The following CDON variants were observed in gnomAD, a reference collection of about 807,000 sequenced individuals.
CDON encodes the protein cell adhesion associated, oncogene regulated, also known as cell adhesion molecule-related/down-regulated by oncogenes.
Under a neutral mutation model 120.9 loss-of-function variants are expected in CDON, and 73 were observed. The ratio of observed to expected loss-of-function variants is 0.60; its 90% CI spans 0.50 to 0.73. The LOEUF (loss-of-function observed/expected upper bound fraction) is 0.73. Among genes scored for constraint, CDON ranks in the 30% least tolerant of loss-of-function variants. CDON has a pLI of 0.00. For missense variants in CDON, 1,470 were observed against 1,587.3 expected (o/e 0.93, Z 1.26); for synonymous variants, 566 against 573.5 (o/e 0.99, Z 0.19).
intron 1 of CDON, among the ~76,000 whole-genome samples, chr11:126,024,550 T>C (rs1222713786): frequency 1.3e-5 from 2 of 152,142 alleles, no homozygotes; most frequent in Non-Finnish European, 2.9e-5. Context: ...CCCTGTTTAC[T>C]GAAATGGGGA....
At chr11:126,027,195 G>A (rs2134730481) in intron 1 of CDON, among the ~76,000 whole-genome samples, 1 of 152,284 alleles carries the variant, frequency 6.6e-6, no homozygotes, top group Non-Finnish European at 1.5e-5. Context: ...TGCTCAGTTT[G>A]TTAAAGAGCT....
chr11:125,956,950 C>A lies in CDON; in HGVS notation c.*3992G>T, dbSNP rs979328649. On this transcript the variant is annotated 3_prime_UTR_variant, in exon 20 of 20. Coordinates refer to ENST00000531738, the MANE Select transcript of CDON (RefSeq NM_001378964.1). ...AAATAAAATACAAAAGGGCCACACC[C>A]GATGCAAAAGACTTTGCTGGCTTTC... 28 of 765,476 alleles carry A rather than the reference C, an allele frequency of 3.7e-5. No homozygotes were observed. The highest frequency in any genetic ancestry group is 5.9e-5 in the South Asian group (1 of 16,886). 47.4% of individuals were successfully genotyped at this position (765,476 alleles called of 1,614,324 possible). A position where few individuals can be genotyped will look rare whatever the true frequency, so the allele number is the denominator to read the frequency against.
At chr11:125,964,189 T>A (rs977793334) in intron 18 of CDON, among the ~76,000 whole-genome samples, 4 of 152,204 alleles carry the variant, frequency 2.6e-5, no homozygotes, top group African/African-American at 9.6e-5. Flanking sequence ...GGGTGAAATG[T>A]GGGGCAAGGT....
At chr11:125,986,373 A>G (rs549222059) in intron 15 of CDON, among the ~76,000 whole-genome samples, 4 of 152,348 alleles carry the variant, frequency 2.6e-5, no homozygotes, top group Admixed American at 6.5e-5. Context: ...CGGCACATGT[A>G]TATGTATGTA....
chr11:126,044,591 A>G (rs546327253), intron 1 of CDON, among the ~76,000 whole-genome samples: 3 of 152,222 alleles, frequency 2.0e-5, no homozygotes, highest in Admixed American at 1.3e-4. Context: ...TTGCAAAAAC[A>G]TGGATGGCAT....
chr11:126,037,334 A>G (rs1948128144), intron 1 of CDON, among the ~76,000 whole-genome samples: 1 of 152,016 alleles, frequency 6.6e-6, no homozygotes, highest in Admixed American at 6.6e-5. Context: ...TTCTGATCTC[A>G]AGGGCTCTGC....
Position 125,981,360 on chromosome 11 carries a change from G to A in CDON, c.2996-31C>T, listed in dbSNP as rs1555117249. ...AAAAGAGAACAAAAAAGACACACAC[G>A]CACACACACACACGCACGCACACAT... On this transcript the variant is annotated intron_variant, in intron 16 of 19. Coordinates refer to ENST00000531738, the MANE Select transcript of CDON (RefSeq NM_001378964.1). The A allele has an allele frequency of 5.3e-5, 71 of 1,351,440 alleles. No individual in the cohort carries two copies. Among genetic ancestry groups the A allele is most frequent in the Middle Eastern group, 1.7e-4 (1 of 5,908 alleles). The allele number at this position is 1,351,440 out of a possible 1,614,324, so 83.7% of individuals were successfully genotyped here. A position where few individuals can be genotyped will look rare whatever the true frequency, so the allele number is the denominator to read the frequency against.
chr11:126,053,676 T>C (rs1948621177), intron 1 of CDON, among the ~76,000 whole-genome samples: 1 of 152,006 alleles, frequency 6.6e-6, no homozygotes, highest in East Asian at 1.9e-4. Flanking sequence ...AGCTATGTAA[T>C]GTATTGCATA....
intron 9 of CDON, chr11:126,004,581 TAAA>T (rs1353520333): frequency 6.4e-6 from 1 of 157,020 alleles, no homozygotes; most frequent in African/African-American, 2.4e-5. Flanking sequence ...TTAGAGGAAA[TAAA>T]AAGATCTAAT....
chr11:125,961,796 G>T lies in CDON; in HGVS notation c.3559C>A (p.Arg1187Ser). 6.2e-7 allele frequency: 1 copy of T among 1,614,106 alleles called. No individual in the cohort carries two copies. The highest frequency in any genetic ancestry group is 8.5e-7 in the Non-Finnish European group (1 of 1,179,970). Residue 1187 changes from arginine (R) to serine (S), a missense_variant, in exon 19 of 20, where the codon CGT becomes AGT. By Grantham distance (110) the Arg-to-Ser change is moderately radical (BLOSUM62 -1). Transcript: ENST00000531738. ...KDNVEPVPTQ[R>S]TCCQDIVNDV... ...TTTACAATGTCCTGACAGCAGGTAC[G>T]CTGAGTAGGGACTGGTTCCACATTG...
chr11:125,989,793 A>G lies in CDON; in HGVS notation c.2651-34T>C, dbSNP rs199668408. The G allele has an allele frequency of 2.1e-4, 335 of 1,598,212 alleles. 2 individuals are homozygous for G. Among genetic ancestry groups the G allele is most frequent in the South Asian group, 7.7e-4 (70 of 90,462 alleles). On this transcript the variant is annotated intron_variant, in intron 14 of 19. Coordinates refer to ENST00000531738, the MANE Select transcript of CDON (RefSeq NM_001378964.1). ...AAAAATAAAAGGCTTTACACATCAT[A>G]CAGCCTAAATGATAATGTCAATATA...
In CDON at chr11:126,056,599, T is replaced by C. The variant is rs955541582; in HGVS notation, c.-62+5980A>G. Among the ~76,000 whole-genome samples the C allele has an allele frequency of 8.5e-5, 13 of 152,296 alleles. No individual in the cohort carries two copies. In the East Asian group the frequency reaches 9.6e-4, roughly 11 times the overall value. ...TACAAGCTATTAACCACAGCCAAAG[T>C]CCCTTCCAAAATTTAAAACAAACAA... On this transcript the variant is annotated intron_variant, in intron 1 of 19. Transcript: ENST00000531738.
chr11:126,025,120 G>A (rs1484853911), intron 1 of CDON, among the ~76,000 whole-genome samples: 4 of 152,114 alleles, frequency 2.6e-5, no homozygotes, highest in Non-Finnish European at 5.9e-5. Context: ...CAGGACAATC[G>A]CTTGAACCTG....
intron 15 of CDON, among the ~76,000 whole-genome samples, chr11:125,988,371 A>C (rs1473858028): frequency 6.6e-6 from 1 of 152,166 alleles, no homozygotes; most frequent in East Asian, 1.9e-4. Context: ...AAAGACAGAA[A>C]AAAATGAATT....
intron 3 of CDON, 26 bp downstream of exon 3, chr11:126,021,222 C>G: frequency 6.2e-7 from 1 of 1,612,422 alleles, no homozygotes; most frequent in South Asian, 1.1e-5. Context: ...AAAACCCATA[C>G]CTAACAGGGA....
At chr11:126,046,001 A>G (rs572407886) in intron 1 of CDON, among the ~76,000 whole-genome samples, 3 of 152,214 alleles carry the variant, frequency 2.0e-5, no homozygotes, top group South Asian at 2.1e-4. Context: ...AAAAAGTCAC[A>G]TTCAAGGTTA....
At chr11:126,018,996 A>C (rs889404446) in intron 4 of CDON, among the ~76,000 whole-genome samples, 4 of 152,242 alleles carry the variant, frequency 2.6e-5, no homozygotes, top group African/African-American at 9.6e-5. Context: ...AACCAAACCC[A>C]GCAGAAGCAT....
chr11:125,987,307 A>G (rs1399759859), intron 15 of CDON, among the ~76,000 whole-genome samples: 1 of 152,232 alleles, frequency 6.6e-6, no homozygotes, highest in East Asian at 1.9e-4. Context: ...AAGAACTAAA[A>G]GAAACATCAC....
chr11:126,052,655 C>T (rs1163486536), intron 1 of CDON, among the ~76,000 whole-genome samples: 1 of 151,766 alleles, frequency 6.6e-6, no homozygotes, highest in Non-Finnish European at 1.5e-5. Context: ...AAACCCTGTC[C>T]CTACTAAAAC....
Sources: allele counts gnomAD v4.1 joint callset (sites outside exome capture counted in the v4.1 genomes callset), GRCh38; gene constraint gnomAD v4.1.1; transcripts MANE v1.5; gene names NCBI Gene and HGNC (gene_info 2026-07-23, HGNC 2026-07-21).